FHIT: variants seen among roughly 807,000 people sequenced by gnomAD.
FHIT encodes fragile histidine triad diadenosine triphosphatase, also known as bis(5'-adenosyl)-triphosphatase.
In FHIT, 19 loss-of-function variants were observed where a neutral mutation model predicts 17.9. The observed-to-expected ratio is 1.06, with a 90% CI of 0.74 to 1.56. The LOEUF is 1.56. Ranked by LOEUF, FHIT falls within the 40% of genes most tolerant of loss-of-function variation. The pLI, the probability that FHIT is intolerant of heterozygous loss-of-function variation, is 0.00. For synonymous variants in FHIT, 81 were observed against 69.7 expected, an observed-to-expected ratio of 1.16 and a Z score of -0.81; for missense variants, 248 against 189.2, an observed-to-expected ratio of 1.31 and a Z score of -1.82.
chr3:60,094,375 C>T (rs537037619), intron 5 of FHIT, among the ~76,000 whole-genome samples: 4 of 152,170 alleles, frequency 2.6e-5, no homozygotes, highest in Admixed American at 2.0e-4. Flanking sequence ...TCAACAAGAA[C>T]AGCTTATGAA....
At chr3:60,508,809 T>C (rs992793348) in intron 5 of FHIT, among the ~76,000 whole-genome samples, 20 of 152,152 alleles carry the variant, frequency 1.3e-4, no homozygotes, top group Non-Finnish European at 1.9e-4. Flanking sequence ...TAGGTACTTA[T>C]GGCATCACAG....
chr3:60,350,156 T>C (rs969989876), intron 5 of FHIT, among the ~76,000 whole-genome samples: 1 of 152,122 alleles, frequency 6.6e-6, no homozygotes, highest in Non-Finnish European at 1.5e-5. Flanking sequence ...GCACCACAGT[T>C]AAAATAATAA....
At chr3:60,798,690 C>T (rs1321586255) in intron 4 of FHIT, among the ~76,000 whole-genome samples, 1 of 149,576 alleles carries the variant, frequency 6.7e-6, no homozygotes. Context: ...TAGTGCACAT[C>T]CATTGACTCT....
intron 5 of FHIT, among the ~76,000 whole-genome samples, chr3:60,375,691 T>A (rs923572387): frequency 8.5e-5 from 13 of 152,178 alleles, no homozygotes; most frequent in Non-Finnish European, 8.8e-5. Flanking sequence ...GTTACTTTCA[T>A]ATTCTGGAGC....
chr3:60,397,797 T>C (rs1249867995), intron 5 of FHIT, among the ~76,000 whole-genome samples: 1 of 152,202 alleles, frequency 6.6e-6, no homozygotes, highest in Non-Finnish European at 1.5e-5. Context: ...TGGCACACTT[T>C]CCTCTGATTG....
intron 1 of FHIT, among the ~76,000 whole-genome samples, chr3:61,245,162 T>C (rs2040459478): frequency 6.6e-6 from 1 of 152,208 alleles, no homozygotes; most frequent in Non-Finnish European, 1.5e-5. Context: ...ACTTGTGTTT[T>C]TTATTGACAA....
At chr3:61,094,706 A>G (rs2035586473) in intron 2 of FHIT, among the ~76,000 whole-genome samples, 2 of 152,234 alleles carry the variant, frequency 1.3e-5, no homozygotes, top group Non-Finnish European at 2.9e-5. Flanking sequence ...GCCATTATTA[A>G]GTAAAACAAG....
intron 4 of FHIT, among the ~76,000 whole-genome samples, chr3:60,693,572 G>A (rs1234747191): frequency 1.1e-4 from 17 of 152,228 alleles, no homozygotes; most frequent in Admixed American, 9.2e-4. Flanking sequence ...ATTGACAAAG[G>A]CATATTAAGT....
chr3:60,894,701 A>G (rs1379006593), intron 3 of FHIT, among the ~76,000 whole-genome samples: 1 of 152,146 alleles, frequency 6.6e-6, no homozygotes. Flanking sequence ...CAAAAAAACA[A>G]AAAACACTCT....
intron 7 of FHIT, among the ~76,000 whole-genome samples, chr3:59,996,338 T>C (rs1699510159): frequency 6.6e-6 from 1 of 152,024 alleles, no homozygotes; most frequent in Non-Finnish European, 1.5e-5. Context: ...GTGACTTGCC[T>C]CAAGATTCAC....
chr3:60,169,395 T>C (rs771233770), intron 5 of FHIT, among the ~76,000 whole-genome samples: 2 of 152,186 alleles, frequency 1.3e-5, no homozygotes, highest in African/African-American at 2.4e-5. Context: ...AGCAAAAGCA[T>C]GTTGGCTAAT....
chr3:60,430,557 T>A (rs1471129224), intron 5 of FHIT, among the ~76,000 whole-genome samples: 1 of 152,126 alleles, frequency 6.6e-6, no homozygotes, highest in Non-Finnish European at 1.5e-5. Context: ...CTTTTACAAA[T>A]CACATTAGCT....
intron 5 of FHIT, among the ~76,000 whole-genome samples, chr3:60,399,523 A>G (rs1701580606): frequency 6.6e-6 from 1 of 152,146 alleles, no homozygotes; most frequent in Non-Finnish European, 1.5e-5. Flanking sequence ...TTTGTCTTGG[A>G]TCTGGAGTAT....
At chr3:60,943,471 A>G (rs1708504929) in intron 3 of FHIT, among the ~76,000 whole-genome samples, 1 of 152,064 alleles carries the variant, frequency 6.6e-6, no homozygotes, top group Non-Finnish European at 1.5e-5. Context: ...AATTTCATCT[A>G]TTTTCTCTTA....
At chr3:60,972,210 GA>G (rs1320536290) in intron 3 of FHIT, among the ~76,000 whole-genome samples, 3 of 152,098 alleles carry the variant, frequency 2.0e-5, no homozygotes, top group Admixed American at 1.3e-4. Context: ...TCATTTACAT[GA>G]TTTCAACTGG....
intron 8 of FHIT, among the ~76,000 whole-genome samples, chr3:59,853,625 T>C (rs1390840076): frequency 1.3e-5 from 2 of 152,198 alleles, no homozygotes; most frequent in African/African-American, 2.4e-5. Flanking sequence ...GTGAAGAATT[T>C]ATAGTTTCCA....
rs200936043 is a variant in FHIT at position 60,160,826 on chromosome 3, GAC to G, written c.104-146676_104-146675del. Reference sequence around the variant, plus strand: ...AGAATGAGAGCATGTGTGTGAGTGTGACAGAGAGAGAGAGAGAGAGAGAGGTT... The same window carrying G: ...AGAATGAGAGCATGTGTGTGAGTGTGAGAGAGAGAGAGAGAGAGAGAGGTT... On this transcript the variant is annotated intron_variant, in intron 5 of 9. Coordinates refer to ENST00000492590, the MANE Select transcript of FHIT (RefSeq NM_002012.4). Among the ~76,000 whole-genome samples the G allele has an allele frequency of 6.1e-3, 726 of 119,228 alleles. 6 individuals carry two copies. The highest frequency in any genetic ancestry group is 0.02 in the African/African-American group (657 of 33,478). The allele number at this position is 119,228 out of a possible 152,430, so 78.2% of individuals were successfully genotyped here.
chr3:61,245,846 A>G (rs552633842), intron 1 of FHIT, among the ~76,000 whole-genome samples: 1 of 152,356 alleles, frequency 6.6e-6, no homozygotes, highest in South Asian at 2.1e-4. Flanking sequence ...TGTTTGAACC[A>G]GAGCAACTCC....
intron 4 of FHIT, among the ~76,000 whole-genome samples, chr3:60,621,677 T>C (rs2039133753): frequency 1.3e-5 from 2 of 152,100 alleles, no homozygotes; most frequent in African/African-American, 4.8e-5. Flanking sequence ...ACAGCAATAG[T>C]CACATAGTAT....
Sources: allele counts gnomAD v4.1 joint callset (sites outside exome capture counted in the v4.1 genomes callset), GRCh38; gene constraint gnomAD v4.1.1; transcripts MANE v1.5; gene names NCBI Gene and HGNC (gene_info 2026-07-23, HGNC 2026-07-21).